L2HGDH: variants seen among roughly 807,000 people sequenced by gnomAD.
L2HGDH encodes the protein L-2-hydroxyglutarate dehydrogenase, mitochondrial.
L2HGDH carries 34 observed loss-of-function variants against 51.5 expected under a neutral mutation model. The ratio of observed to expected loss-of-function variants is 0.66; its 90% CI spans 0.50 to 0.88. The LOEUF (loss-of-function observed/expected upper bound fraction) is 0.88. L2HGDH is among the 40% of genes least tolerant of loss of function. The pLI, the probability that L2HGDH is intolerant of heterozygous loss-of-function variation, is 0.00. For synonymous variants in L2HGDH, 198 were observed against 197.9 expected (o/e 1.00, Z -0.01); for missense variants, 558 against 571.9 (o/e 0.98, Z 0.25).
intron 9 of L2HGDH, among the ~76,000 whole-genome samples, chr14:50,251,971 T>C (rs986264639): frequency 1.3e-5 from 2 of 151,960 alleles, no homozygotes; most frequent in South Asian, 4.2e-4. Context: ...AAACACAGAA[T>C]AGTATAACAC....
At chr14:50,268,814 GAT>G (rs1249163186) in intron 7 of L2HGDH, among the ~76,000 whole-genome samples, 2 of 152,170 alleles carry the variant, frequency 1.3e-5, no homozygotes, top group Non-Finnish European at 2.9e-5. Flanking sequence ...TGTACCTACA[GAT>G]AGTGAACTGA....
At chr14:50,275,677 G>C (rs568158448) in intron 6 of L2HGDH, among the ~76,000 whole-genome samples, 1 of 152,282 alleles carries the variant, frequency 6.6e-6, no homozygotes, top group Non-Finnish European at 1.5e-5. Flanking sequence ...GCACTAGCTG[G>C]CTGGCAACTC....
Position 50,245,002 on chromosome 14 carries a change from A to G in L2HGDH, c.*2056T>C. On this transcript the variant is annotated 3_prime_UTR_variant, in exon 10 of 10. Transcript: ENST00000267436. ...TTTCTATTTTCTAACTTTCTAAATT[A>G]TAAGAATAATTTCGATAGATACCAC... 2.0e-6 allele frequency: 2 copies of G among 985,442 alleles called. No individual in the cohort carries two copies. Among genetic ancestry groups the G allele is most frequent in the Non-Finnish European group, 2.4e-6 (2 of 829,680 alleles). The allele number at this position is 985,442 out of a possible 1,614,324, so 61.0% of individuals were successfully genotyped here.
At chr14:50,309,686 C>T (rs1779093621) in intron 1 of L2HGDH, among the ~76,000 whole-genome samples, 1 of 112,236 alleles carries the variant, frequency 8.9e-6, no homozygotes, top group South Asian at 2.9e-4. Flanking sequence ...TTTTATACCA[C>T]CCTTTTTTTT....
At chr14:50,291,218 A>C (rs907775906) in intron 4 of L2HGDH, among the ~76,000 whole-genome samples, 5 of 151,068 alleles carry the variant, frequency 3.3e-5, no homozygotes, top group South Asian at 2.1e-4. Flanking sequence ...AAAAAAAAAA[A>C]AAAAAACAAA....
intron 5 of L2HGDH, among the ~76,000 whole-genome samples, chr14:50,282,944 A>G (rs1890356043): frequency 6.6e-6 from 1 of 152,156 alleles, no homozygotes; most frequent in South Asian, 2.1e-4. Context: ...TGGGAGGCCA[A>G]GGAGGGAAAA....
At position 50,245,573 on chromosome 14, in the gene L2HGDH, C is replaced by A. The variant is rs545358648; in HGVS notation, c.*1485G>T. 1.0e-6 allele frequency: 1 copy of A among 969,602 alleles called. No individual in the cohort carries two copies. The highest frequency in any genetic ancestry group is 1.2e-6 in the Non-Finnish European group (1 of 815,706). 60.1% of individuals were successfully genotyped at this position (969,602 alleles called of 1,614,324 possible). The stretch of plus-strand genomic sequence containing the variant: ...TAAATTTTATGTATTTTCTTGAAAT[C>A]ATGAATTTTTAATTTCCAAATACAA... On this transcript the variant is annotated 3_prime_UTR_variant, in exon 10 of 10. Transcript: ENST00000267436.
chr14:50,302,323 C>T lies in L2HGDH; in HGVS notation c.257-155G>A, dbSNP rs192321874. Among the ~76,000 whole-genome samples the T allele has an allele frequency of 8.8e-4, 134 of 152,258 alleles. 1 individual carries two copies. Among genetic ancestry groups the T allele is most frequent in the African/African-American group, 3.0e-3 (124 of 41,534 alleles). On this transcript the variant is annotated intron_variant, in intron 2 of 9. Transcript: ENST00000267436. ...ATCACTGGTAACTTCTTCTAACATCCCTGGTATCCATGTCACATCCCTCCA... is the reference window on the plus strand; with the variant it reads ...ATCACTGGTAACTTCTTCTAACATCTCTGGTATCCATGTCACATCCCTCCA...
At chr14:50,256,759 C>T (rs1054796140) in intron 9 of L2HGDH, among the ~76,000 whole-genome samples, 2 of 151,952 alleles carry the variant, frequency 1.3e-5, no homozygotes, top group African/African-American at 4.8e-5. Context: ...AAATCTATTT[C>T]CATCTTGTAT....
chr14:50,301,373 A>G (rs1234771016), intron 3 of L2HGDH, among the ~76,000 whole-genome samples: 2 of 152,232 alleles, frequency 1.3e-5, no homozygotes, highest in Non-Finnish European at 2.9e-5. Context: ...CTTATACATG[A>G]ATGTTCATAG....
At chr14:50,306,067 G>A (rs1423783814) in intron 1 of L2HGDH, among the ~76,000 whole-genome samples, 5 of 141,820 alleles carry the variant, frequency 3.5e-5, no homozygotes, top group Admixed American at 7.1e-5. Context: ...TTTTTTTTTC[G>A]GTGAGATGGA....
intron 9 of L2HGDH, among the ~76,000 whole-genome samples, chr14:50,250,059 G>A (rs895386321): frequency 2.0e-5 from 3 of 151,904 alleles, no homozygotes; most frequent in African/African-American, 7.3e-5. Context: ...ACTCCACCAC[G>A]CCCAGCTGAT....
At position 50,246,215 on chromosome 14, in the gene L2HGDH, TTTG is replaced by T. The variant is rs1286997246; in HGVS notation, c.*840_*842del. On this transcript the variant is annotated 3_prime_UTR_variant, in exon 10 of 10. Coordinates refer to ENST00000267436, the MANE Select transcript of L2HGDH (RefSeq NM_024884.3). ...AAGTAAATAAGCATGGAATTTATTT[TTTG>T]TTGTTGTTTTTATTTTTTGAGTCAG... The T allele has an allele frequency of 2.6e-5, 4 of 152,234 alleles. No homozygotes were observed. The highest frequency in any genetic ancestry group is 1.9e-4 in the East Asian group (1 of 5,186). The allele number at this position is 152,234 out of a possible 1,614,324, so 9.4% of individuals were successfully genotyped here. A position where few individuals can be genotyped will look rare whatever the true frequency, so the allele number is the denominator to read the frequency against.
intron 3 of L2HGDH, among the ~76,000 whole-genome samples, chr14:50,301,275 T>G (rs1298517399): frequency 2.0e-5 from 3 of 152,174 alleles, no homozygotes; most frequent in Non-Finnish European, 2.9e-5. Context: ...TTCCTCAAAA[T>G]GTTAAACATG....
In L2HGDH at chr14:50,311,991, G is replaced by A; in HGVS notation, c.140+20C>T. 1 of 1,551,844 alleles carries A rather than the reference G, an allele frequency of 6.4e-7. No homozygotes were observed. The highest frequency in any genetic ancestry group is 8.7e-7 in the Non-Finnish European group (1 of 1,151,066). ...GAGGGGCAGCAGCGCAGGCGGCGGG[G>A]AGGACCAGCGGCCACTCACCTGGTG... On this transcript the variant is annotated intron_variant, in intron 1 of 9. Coordinates refer to ENST00000267436, the MANE Select transcript of L2HGDH (RefSeq NM_024884.3).
chr14:50,298,393 A>G (rs1341061119), intron 3 of L2HGDH, among the ~76,000 whole-genome samples: 1 of 151,516 alleles, frequency 6.6e-6, no homozygotes, highest in Non-Finnish European at 1.5e-5. Context: ...TCAGCTCACT[A>G]CAACCTCTGC....
chr14:50,301,753 T>A (rs986009920), intron 3 of L2HGDH, among the ~76,000 whole-genome samples: 1 of 152,166 alleles, frequency 6.6e-6, no homozygotes, highest in African/African-American at 2.4e-5. Flanking sequence ...GTGGTGATGA[T>A]TGCTCAGCTC....
chr14:50,243,117 AC>A lies in L2HGDH; in HGVS notation c.*3940del. ...CCTCAGGGAAAGTGGAATTCTGCCAACAGTAAAGGCAACTCCCCAAACAGTG... is the reference window on the plus strand; with the variant it reads ...CCTCAGGGAAAGTGGAATTCTGCCAAAGTAAAGGCAACTCCCCAAACAGTG... On this transcript the variant is annotated 3_prime_UTR_variant, in exon 10 of 10. Transcript: ENST00000267436. The A allele has an allele frequency of 1.0e-6, 1 of 985,480 alleles. No individual in the cohort carries two copies. The highest frequency in any genetic ancestry group is 1.2e-6 in the Non-Finnish European group (1 of 829,952). 61.0% of individuals were successfully genotyped at this position (985,480 alleles called of 1,614,324 possible).
intron 9 of L2HGDH, among the ~76,000 whole-genome samples, chr14:50,248,187 T>A (rs1888120251): frequency 6.6e-6 from 1 of 152,178 alleles, no homozygotes; most frequent in Non-Finnish European, 1.5e-5. Context: ...AATTTACAGA[T>A]GAAATTTGAA....
Sources: allele counts gnomAD v4.1 joint callset (sites outside exome capture counted in the v4.1 genomes callset), GRCh38; gene constraint gnomAD v4.1.1; transcripts MANE v1.5; gene names NCBI Gene and HGNC (gene_info 2026-07-23, HGNC 2026-07-21).